The following PARD3 variants were observed in gnomAD, a reference collection of about 807,000 sequenced individuals.
PARD3 encodes the protein par-3 family cell polarity regulator, also known as partitioning defective 3 homolog.
PARD3 carries 75 observed loss-of-function variants against 155.4 expected under a neutral mutation model. That is an observed-to-expected ratio of 0.48 (90% CI 0.40 to 0.58). The LOEUF (loss-of-function observed/expected upper bound fraction) is 0.58. PARD3 is among the 20% of genes least tolerant of loss of function. The pLI, the probability that PARD3 is intolerant of heterozygous loss-of-function variation, is 0.00. For synonymous variants in PARD3, 576 were observed against 610.5 expected (o/e 0.94, Z 0.83); for missense variants, 1,642 against 1,721.7 (o/e 0.95, Z 0.82).
chr10:34,301,817 T>TC (rs759037671), intron 20 of PARD3, among the ~76,000 whole-genome samples: 3 of 59,428 alleles, frequency 5.0e-5, no homozygotes. Context: ...CTTTCTCCTT[T>TC]CTTTTTTTTT....
chr10:34,614,439 T>A (rs888907981), intron 2 of PARD3, among the ~76,000 whole-genome samples: 16 of 152,338 alleles, frequency 1.1e-4, no homozygotes, highest in Middle Eastern at 3.4e-3. Flanking sequence ...AAAATAAGTG[T>A]CCTATTCTAG....
At chr10:34,215,640 T>A (rs1951967810) in intron 22 of PARD3, among the ~76,000 whole-genome samples, 1 of 152,242 alleles carries the variant, frequency 6.6e-6, no homozygotes, top group Non-Finnish European at 1.5e-5. Context: ...CTAGTTACAC[T>A]CTTCAGAAGT....
intron 22 of PARD3, among the ~76,000 whole-genome samples, chr10:34,203,682 T>C (rs546908151): frequency 6.6e-6 from 1 of 152,322 alleles, no homozygotes; most frequent in Non-Finnish European, 1.5e-5. Flanking sequence ...CAATCATTCA[T>C]TCATTTTTTC....
intron 2 of PARD3, among the ~76,000 whole-genome samples, chr10:34,586,240 T>C (rs560426901): frequency 6.6e-6 from 1 of 152,206 alleles, no homozygotes; most frequent in Non-Finnish European, 1.5e-5. Flanking sequence ...AACCTAATTA[T>C]GTTCTTTGAA....
chr10:34,260,903 T>C (rs2133803124), intron 22 of PARD3, among the ~76,000 whole-genome samples: 1 of 152,332 alleles, frequency 6.6e-6, no homozygotes, highest in South Asian at 2.1e-4. Context: ...GGCTTCCCTT[T>C]GACGCAACCG....
intron 12 of PARD3, among the ~76,000 whole-genome samples, chr10:34,360,618 A>C (rs978769553): frequency 3.3e-5 from 5 of 152,224 alleles, no homozygotes; most frequent in African/African-American, 1.2e-4. Context: ...CAATGGGAGT[A>C]AAAATAAATA....
At chr10:34,280,338 GA>G (rs920295383) in intron 21 of PARD3, among the ~76,000 whole-genome samples, 12 of 151,918 alleles carry the variant, frequency 7.9e-5, no homozygotes, top group African/African-American at 2.4e-4. Context: ...TACTTTATAG[GA>G]AAAAAAATGA....
chr10:34,798,457 C>T (rs1363526313), intron 1 of PARD3, among the ~76,000 whole-genome samples: 1 of 151,636 alleles, frequency 6.6e-6, no homozygotes, highest in African/African-American at 2.4e-5. Context: ...GTAATTCCAG[C>T]ACTTTGGGAG....
At position 34,313,053 on chromosome 10, in the gene PARD3, C is replaced by T. The variant is rs553612072; in HGVS notation, c.3065+4054G>A. ...GGCTGCTTTCCTTTAAAAACGAACA[C>T]ATTTAAAACATTAAAAAACATATCT... On this transcript the variant is annotated intron_variant, in intron 20 of 24. Coordinates refer to ENST00000374788, the MANE Select transcript of PARD3 (RefSeq NM_001184785.2). 9.2e-5 allele frequency among the ~76,000 whole-genome samples: 14 copies of T among 152,296 alleles called. 1 individual carries two copies. Among genetic ancestry groups the T allele is most frequent in the African/African-American group, 3.1e-4 (13 of 41,568 alleles).
At chr10:34,204,164 GT>G (rs1951352949) in intron 22 of PARD3, among the ~76,000 whole-genome samples, 1 of 152,166 alleles carries the variant, frequency 6.6e-6, no homozygotes. Context: ...TAATGATAAC[GT>G]ATTCCCTTTT....
chr10:34,437,076 A>G (rs958894261), intron 5 of PARD3, among the ~76,000 whole-genome samples: 2 of 94,086 alleles, frequency 2.1e-5, no homozygotes, highest in African/African-American at 6.2e-5. Flanking sequence ...AAATATTTTA[A>G]AAATTAAAGA....
intron 22 of PARD3, among the ~76,000 whole-genome samples, chr10:34,184,552 A>G (rs1193526353): frequency 2.0e-5 from 3 of 152,262 alleles, no homozygotes; most frequent in East Asian, 3.9e-4. Context: ...CTGTTTTCCA[A>G]TGGGGCAGAC....
chr10:34,687,844 A>ATTTTTTTTTT (rs1564509050), intron 2 of PARD3, among the ~76,000 whole-genome samples: 2 of 57,362 alleles, frequency 3.5e-5, no homozygotes, highest in Admixed American at 2.0e-4. Flanking sequence ...TACACCTGAA[A>ATTTTTTTTTT]TCTTTTTTTT....
intron 1 of PARD3, among the ~76,000 whole-genome samples, chr10:34,806,735 T>C (rs967777809): frequency 6.6e-6 from 1 of 152,146 alleles, no homozygotes; most frequent in African/African-American, 2.4e-5. Flanking sequence ...CAAAATATTC[T>C]CACAGCATGG....
chr10:34,146,885 T>C (rs1171228599), intron 22 of PARD3, among the ~76,000 whole-genome samples: 1 of 152,152 alleles, frequency 6.6e-6, no homozygotes, highest in East Asian at 1.9e-4. Context: ...ATATTGTAGT[T>C]TTGTGGCTAA....
rs532589678 is a variant in PARD3, at chr10:34,426,067, G to A, written c.715-24150C>T. Among the ~76,000 whole-genome samples the A allele has an allele frequency of 5.9e-5, 9 of 152,174 alleles. No homozygotes were observed. In the South Asian group the frequency reaches 1.0e-3, roughly 18 times the overall value. On this transcript the variant is annotated intron_variant, in intron 5 of 24. Coordinates refer to ENST00000374788, the MANE Select transcript of PARD3 (RefSeq NM_001184785.2). The stretch of plus-strand genomic sequence containing the variant: ...GTCAATACTAAAGAAATATTTAACT[G>A]AGCAAAAACAAAATGGCAAATATAG...
intron 5 of PARD3, among the ~76,000 whole-genome samples, chr10:34,447,663 G>A (rs528363601): frequency 6.6e-6 from 1 of 151,578 alleles, no homozygotes; most frequent in South Asian, 2.1e-4. Flanking sequence ...AAATTAGCTG[G>A]GCGTGGTGGT....
chr10:34,493,618 G>C (rs2080064167), intron 3 of PARD3, among the ~76,000 whole-genome samples: 1 of 151,906 alleles, frequency 6.6e-6, no homozygotes, highest in Admixed American at 6.6e-5. Context: ...TGTAATTCCA[G>C]CTACTCGGGA....
intron 22 of PARD3, among the ~76,000 whole-genome samples, chr10:34,244,248 T>C (rs1262955838): frequency 6.6e-6 from 1 of 152,228 alleles, no homozygotes; most frequent in Non-Finnish European, 1.5e-5. Flanking sequence ...CTAATTGAAG[T>C]AAGATTTTGT....
Sources: allele counts gnomAD v4.1 joint callset (sites outside exome capture counted in the v4.1 genomes callset), GRCh38; gene constraint gnomAD v4.1.1; transcripts MANE v1.5; gene names NCBI Gene and HGNC (gene_info 2026-07-23, HGNC 2026-07-21).